ZNF157: variants seen among roughly 807,000 people sequenced by gnomAD.
ZNF157 encodes the protein zinc finger protein 22.
In ZNF157, 8 loss-of-function variants were observed where a neutral mutation model predicts 9.4. The observed-to-expected ratio is 0.85, with a 90% CI of 0.50 to 1.53. The LOEUF (loss-of-function observed/expected upper bound fraction) is 1.53. ZNF157 is among the 40% of genes most tolerant of loss of function. ZNF157 has a pLI of 0.00. For missense variants in ZNF157, 316 were observed against 385.2 expected (o/e 0.82, Z 1.50); for synonymous variants, 120 against 130.8 (o/e 0.92, Z 0.56).
At chrX:47,400,586 G>A (rs1294452250) in intron 1 of ZNF157, among the ~76,000 whole-genome samples, 1 of 112,203 alleles carries the variant, frequency 8.9e-6, no homozygotes, top group Non-Finnish European at 1.9e-5. Flanking sequence ...ATGCTGTAAG[G>A]TGTGTTCCTT....
chrX:47,390,589 C>T (rs1348992192), intron 1 of ZNF157, among the ~76,000 whole-genome samples: 1 of 112,351 alleles, frequency 8.9e-6, no homozygotes, highest in Non-Finnish European at 1.9e-5. Context: ...CCTGTAATCC[C>T]AGCTACTCGG....
At chrX:47,385,644 T>C (rs891982803) in intron 1 of ZNF157, among the ~76,000 whole-genome samples, 43 of 108,885 alleles carry the variant, frequency 3.9e-4, no homozygotes, top group African/African-American at 1.4e-3. Context: ...CTTGGCTCAC[T>C]GCAACCTCTG....
chrX:47,398,740 G>C (rs1241915302), intron 1 of ZNF157, among the ~76,000 whole-genome samples: 2 of 109,993 alleles, frequency 1.8e-5, no homozygotes, highest in African/African-American at 6.6e-5. Flanking sequence ...GGAATGCAAT[G>C]GTGCGATCTT....
Position 47,378,668 on chromosome X carries a change from G to A in ZNF157, c.72+7928G>A, listed in dbSNP as rs760962614. Among the ~76,000 whole-genome samples, 4 of 111,220 alleles carry A rather than the reference G, an allele frequency of 3.6e-5. No homozygotes were observed. The South Asian group carries it at 1.5e-3, about 42-fold the overall frequency. On this transcript the variant is annotated intron_variant, in intron 1 of 3. Coordinates refer to ENST00000377073, the MANE Select transcript of ZNF157 (RefSeq NM_003446.4). ...AGCCTGGCCAACATGGTGAAACCTC[G>A]TCTCTACAAAATTATAAAAATTAGC...
intron 1 of ZNF157, among the ~76,000 whole-genome samples, chrX:47,377,302 TA>T (rs1443162334): frequency 1.9e-5 from 2 of 107,460 alleles, no homozygotes; most frequent in Non-Finnish European, 3.8e-5. Context: ...ATTTGAGTAT[TA>T]ATACAACTCT....
intron 1 of ZNF157, chrX:47,391,405 C>A (rs1304251041): frequency 1.8e-5 from 2 of 111,836 alleles, no homozygotes; most frequent in African/African-American, 3.2e-5. Context: ...TATTTTGGAA[C>A]GTTTGAGTTA....
rs1173802461 is a variant in ZNF157 at position 47,376,001 on chromosome X, T to C, written c.72+5261T>C. On this transcript the variant is annotated intron_variant, in intron 1 of 3. Coordinates refer to ENST00000377073, the MANE Select transcript of ZNF157 (RefSeq NM_003446.4). ...GTGAGCTATTATGCCAGGTCTAGTT[T>C]TGCCTTTTCTAAAATGTCATGTAGT... Among the ~76,000 whole-genome samples, 8 of 112,168 alleles carry C rather than the reference T, an allele frequency of 7.1e-5. No individual in the cohort carries two copies. In the East Asian group the frequency reaches 2.2e-3, roughly 31 times the overall value.
chrX:47,374,022 A>G (rs2055836297), intron 1 of ZNF157, among the ~76,000 whole-genome samples: 1 of 110,403 alleles, frequency 9.1e-6, no homozygotes, highest in Non-Finnish European at 1.9e-5. Flanking sequence ...GAGCCACTCT[A>G]GCAAATTAAT....
chrX:47,381,773 A>G (rs976219905), intron 1 of ZNF157, among the ~76,000 whole-genome samples: 2 of 112,038 alleles, frequency 1.8e-5, no homozygotes, highest in Admixed American at 9.6e-5. Context: ...CCAATCACAG[A>G]TGGCTGTACT....
intron 1 of ZNF157, among the ~76,000 whole-genome samples, chrX:47,386,656 C>T (rs1001342391): frequency 6.4e-5 from 7 of 110,144 alleles, no homozygotes; most frequent in African/African-American, 2.3e-4. Flanking sequence ...GATGGAGTTT[C>T]ACCATGTTGG....
At chrX:47,395,062 A>G (rs2055909210) in intron 1 of ZNF157, among the ~76,000 whole-genome samples, 1 of 111,390 alleles carries the variant, frequency 9.0e-6, no homozygotes, top group Admixed American at 9.7e-5. Context: ...GGCTCAACCT[A>G]TCCGTCCACC....
Position 47,387,068 on chromosome X carries a change from G to A in ZNF157, c.72+16328G>A, listed in dbSNP as rs773603630. Among the ~76,000 whole-genome samples the A allele has an allele frequency of 2.5e-3, 269 of 106,866 alleles. 1 individual carries two copies. The highest frequency in any genetic ancestry group is 8.7e-3 in the African/African-American group (254 of 29,304). The allele number at this position is 106,866 out of a possible 115,157, so 92.8% of individuals were successfully genotyped here. On this transcript the variant is annotated intron_variant, in intron 1 of 3. Coordinates refer to ENST00000377073, the MANE Select transcript of ZNF157 (RefSeq NM_003446.4). ...CTGAAACCTCTCTTCAAGCGATTTC[G>A]TCCATCAGCGTCCCAAGTAGCTGGG...
intron 1 of ZNF157, among the ~76,000 whole-genome samples, chrX:47,401,015 T>G (rs1371713352): frequency 9.0e-6 from 1 of 111,525 alleles, no homozygotes; most frequent in Non-Finnish European, 1.9e-5. Context: ...GTTCCTCTGG[T>G]GGTTTCAAAG....
At chrX:47,387,017 G>T (rs893238350) in intron 1 of ZNF157, among the ~76,000 whole-genome samples, 5 of 110,788 alleles carry the variant, frequency 4.5e-5, no homozygotes, top group Non-Finnish European at 7.6e-5. Flanking sequence ...GCCCAGGCTG[G>T]AGTGCAGTGG....
chrX:47,379,724 C>CTTTTT (rs200985634), intron 1 of ZNF157, among the ~76,000 whole-genome samples: 5 of 62,762 alleles, frequency 8.0e-5, no homozygotes, highest in African/African-American at 3.3e-4. Context: ...TGTCTAGATG[C>CTTTTT]TTTTTTTTTT....
chrX:47,398,169 A>G (rs192739423), intron 1 of ZNF157, among the ~76,000 whole-genome samples: 1 of 110,199 alleles, frequency 9.1e-6, no homozygotes, highest in African/African-American at 3.3e-5. Flanking sequence ...TGATTCCTGG[A>G]CCTGTGAATC....
intron 1 of ZNF157, among the ~76,000 whole-genome samples, chrX:47,393,751 T>G (rs1486965740): frequency 1.1e-5 from 1 of 93,586 alleles, no homozygotes; most frequent in African/African-American, 4.0e-5. Flanking sequence ...CCCTTTTTTT[T>G]TTTTTTAGAC....
intron 1 of ZNF157, among the ~76,000 whole-genome samples, chrX:47,374,998 C>CTTTTTTTTTTTTTTTTTTTTTTTTTTTT (rs769541152): frequency 4.0e-5 from 1 of 24,991 alleles, no homozygotes; most frequent in Non-Finnish European, 7.0e-5. Flanking sequence ...GGCTGACAAT[C>CTTTTTTTTTTTTTTTTTTTTTTTTTTTT]TTTTTTTTTT....
chrX:47,399,369 T>G (rs1170424311), intron 1 of ZNF157, among the ~76,000 whole-genome samples: 2 of 111,656 alleles, frequency 1.8e-5, no homozygotes, highest in Non-Finnish European at 3.8e-5. Flanking sequence ...ATATATATAT[T>G]TTTAAAGTAT....
Sources: allele counts gnomAD v4.1 joint callset (sites outside exome capture counted in the v4.1 genomes callset), GRCh38; gene constraint gnomAD v4.1.1; transcripts MANE v1.5; gene names NCBI Gene and HGNC (gene_info 2026-07-23, HGNC 2026-07-21).